The following MECOM variants were observed in gnomAD, a reference collection of about 807,000 sequenced individuals.
The protein encoded by MECOM is histone-lysine N-methyltransferase MECOM.
MECOM carries 13 observed loss-of-function variants against 116.3 expected under a neutral mutation model. The observed-to-expected ratio is 0.11, with a 90% CI of 0.07 to 0.18. The LOEUF is 0.18. Ranked by LOEUF, MECOM falls within the 10% of genes least tolerant of loss-of-function variation. MECOM has a pLI of 1.00. For missense variants in MECOM, 1,299 were observed against 1,509.0 expected, an observed-to-expected ratio of 0.86 and a Z score of 2.31; for synonymous variants, 528 against 535.2, an observed-to-expected ratio of 0.99 and a Z score of 0.19.
chr3:169,564,750 A>G (rs1763027169), intron 1 of MECOM, among the ~76,000 whole-genome samples: 1 of 152,368 alleles, frequency 6.6e-6, no homozygotes, highest in South Asian at 2.1e-4. Flanking sequence ...ATGAGGTTCA[A>G]TTTAAAGAAC....
chr3:169,409,124 G>A (rs1737165273), intron 1 of MECOM, among the ~76,000 whole-genome samples: 1 of 152,050 alleles, frequency 6.6e-6, no homozygotes, highest in Admixed American at 6.6e-5. Context: ...AACCTCTCTG[G>A]GTCACAGTCA....
chr3:169,637,064 C>T (rs1244472622), intron 1 of MECOM, among the ~76,000 whole-genome samples: 1 of 152,136 alleles, frequency 6.6e-6, no homozygotes, highest in African/African-American at 2.4e-5. Context: ...AGCATGACTC[C>T]AATGTTAGGT....
intron 2 of MECOM, among the ~76,000 whole-genome samples, chr3:169,181,072 C>T (rs899367199): frequency 6.6e-6 from 1 of 152,006 alleles, no homozygotes; most frequent in African/African-American, 2.4e-5. Flanking sequence ...ATCCTCATAA[C>T]TAACCTGTGA....
chr3:169,303,217 T>G (rs1247192897), intron 2 of MECOM, among the ~76,000 whole-genome samples: 1 of 152,168 alleles, frequency 6.6e-6, no homozygotes, highest in African/African-American at 2.4e-5. Context: ...AAAGTCTAAC[T>G]TCCCCCTTCC....
chr3:169,504,460 CTTT>C (rs1754957197), intron 1 of MECOM, among the ~76,000 whole-genome samples: 1 of 151,994 alleles, frequency 6.6e-6, no homozygotes, highest in Non-Finnish European at 1.5e-5. Context: ...TTTAAAAAGT[CTTT>C]TTAATATCTT....
At chr3:169,559,328 C>A (rs1762391528) in intron 1 of MECOM, among the ~76,000 whole-genome samples, 1 of 152,054 alleles carries the variant, frequency 6.6e-6, no homozygotes, top group Non-Finnish European at 1.5e-5. Flanking sequence ...CTTGGTCAAA[C>A]AATACATTAA....
At chr3:169,112,677 C>T (rs533381001) in intron 9 of MECOM, 110 bp downstream of exon 9, 19 of 818,964 alleles carry the variant, frequency 2.3e-5, no homozygotes, top group Admixed American at 1.2e-4. Flanking sequence ...TCCACACCAG[C>T]GTCATAGGAA....
intron 2 of MECOM, among the ~76,000 whole-genome samples, chr3:169,205,446 A>AC (rs1749790815): frequency 6.6e-6 from 1 of 152,218 alleles, no homozygotes; most frequent in Non-Finnish European, 1.5e-5. Context: ...AAAATGATTT[A>AC]TAGGCCACAC....
intron 2 of MECOM, among the ~76,000 whole-genome samples, chr3:169,234,408 C>A (rs74591013): frequency 2.0e-5 from 3 of 147,526 alleles, no homozygotes; most frequent in Non-Finnish European, 4.5e-5. Context: ...TGTCATTGAG[C>A]AAATGATGGA....
At chr3:169,624,870 A>G (rs562943130) in intron 1 of MECOM, among the ~76,000 whole-genome samples, 6 of 152,090 alleles carry the variant, frequency 3.9e-5, no homozygotes, top group African/African-American at 1.4e-4. Context: ...GCTTTACTTT[A>G]CTAATGCGTG....
At position 169,094,755 on chromosome 3, in the gene MECOM, A is replaced by G. The variant is rs549739408; in HGVS notation, c.3019+321T>C. Among the ~76,000 whole-genome samples, 7 of 152,352 alleles carry G rather than the reference A, an allele frequency of 4.6e-5. No homozygotes were observed. In the South Asian group the frequency reaches 1.2e-3, roughly 27 times the overall value. ...TGCCTAGAGGCCACATTCTGTGCCAACAGGTGAAAAGACTGTCCCCTGTAT... is the reference window on the plus strand; with the variant it reads ...TGCCTAGAGGCCACATTCTGTGCCAGCAGGTGAAAAGACTGTCCCCTGTAT... On this transcript the variant is annotated intron_variant, in intron 13 of 16. Coordinates refer to ENST00000651503, the MANE Select transcript of MECOM (RefSeq NM_004991.4).
At chr3:169,321,255 G>C (rs1720801808) in intron 2 of MECOM, among the ~76,000 whole-genome samples, 1 of 152,200 alleles carries the variant, frequency 6.6e-6, no homozygotes, top group Non-Finnish European at 1.5e-5. Flanking sequence ...AGAATACAAA[G>C]AGTGGGCCGG....
intron 1 of MECOM, among the ~76,000 whole-genome samples, chr3:169,600,096 C>T (rs776393018): frequency 6.6e-6 from 1 of 151,992 alleles, no homozygotes; most frequent in African/African-American, 2.4e-5. Flanking sequence ...CTCAGCCACC[C>T]GAGTAGCTGG....
intron 2 of MECOM, among the ~76,000 whole-genome samples, chr3:169,179,406 G>T (rs976655267): frequency 6.6e-5 from 10 of 152,164 alleles, no homozygotes; most frequent in Non-Finnish European, 1.3e-4. Flanking sequence ...AAGATTTGCT[G>T]TGATGTGTGG....
At chr3:169,318,685 T>C (rs1560125252) in intron 2 of MECOM, among the ~76,000 whole-genome samples, 1 of 152,150 alleles carries the variant, frequency 6.6e-6, no homozygotes, top group African/African-American at 2.4e-5. Flanking sequence ...GTAAATTAGT[T>C]CAACCATTGT....
intron 1 of MECOM, among the ~76,000 whole-genome samples, chr3:169,624,518 C>T (rs1771117725): frequency 6.6e-6 from 1 of 152,292 alleles, no homozygotes; most frequent in African/African-American, 2.4e-5. Flanking sequence ...AGTGGGTGGC[C>T]GCCTTCCACT....
intron 2 of MECOM, among the ~76,000 whole-genome samples, chr3:169,209,047 C>G (rs971661157): frequency 7.2e-5 from 11 of 152,116 alleles, no homozygotes; most frequent in African/African-American, 2.7e-4. Flanking sequence ...CACTACACAT[C>G]TATAACCATC....
At chr3:169,108,071 C>T (rs1406061787) in intron 9 of MECOM, 119 bp from the exon 10 acceptor site, 8 of 721,438 alleles carry the variant, frequency 1.1e-5, no homozygotes, top group Non-Finnish European at 1.9e-5. Flanking sequence ...TATCATGTAA[C>T]TGTACCTTGA....
At chr3:169,526,634 C>G (rs1303490056) in intron 1 of MECOM, among the ~76,000 whole-genome samples, 1 of 152,074 alleles carries the variant, frequency 6.6e-6, no homozygotes, top group Admixed American at 6.5e-5. Context: ...ATTCTCATTT[C>G]TATACAATTT....
Sources: allele counts gnomAD v4.1 joint callset (sites outside exome capture counted in the v4.1 genomes callset), GRCh38; gene constraint gnomAD v4.1.1; transcripts MANE v1.5; gene names NCBI Gene and HGNC (gene_info 2026-07-23, HGNC 2026-07-21).